EMSY: variants seen among roughly 807,000 people sequenced by gnomAD.
The protein encoded by EMSY is BRCA2-interacting transcriptional repressor EMSY.
EMSY carries 26 observed loss-of-function variants against 134.6 expected under a neutral mutation model. The observed-to-expected ratio is 0.19, with a 90% CI of 0.14 to 0.27. The LOEUF (loss-of-function observed/expected upper bound fraction) is 0.27, where lower values mean the gene tolerates loss of function less well. Ranked by LOEUF, EMSY falls within the 10% of genes least tolerant of loss-of-function variation. EMSY has a pLI of 1.00. For missense variants in EMSY, 1,305 were observed against 1,611.4 expected (o/e 0.81, Z 3.26); for synonymous variants, 579 against 577.8 (o/e 1.00, Z -0.03).
At chr11:76,526,374 C>T (rs1377150889) in intron 12 of EMSY, 88 bp from the exon 14 acceptor site, 1 of 951,942 alleles carries the variant, frequency 1.1e-6, no homozygotes, top group African/African-American at 1.7e-5. Context: ...TTTCATCATC[C>T]TGGTAAAACC....
At chr11:76,551,350 A>G (rs1478144966) in exon 21 of EMSY, 1 of 152,760 alleles carries the variant, frequency 6.5e-6, no homozygotes, top group Admixed American at 6.5e-5. Flanking sequence ...ACGGTTTTAT[A>G]TAGATTTCAC....
rs948457373 is a variant in EMSY, at chr11:76,537,672, C to G, written c.2360-123C>G. On this transcript the variant is annotated intron_variant, in intron 15 of 20. Transcript: ENST00000334736. ...AATCTGCTTTTTTCTTTTCAATTCA[C>G]TGTCTACTTAGTCACTGCCAGTGTG... The G allele has an allele frequency of 5.0e-6, 4 of 796,084 alleles. No individual in the cohort carries two copies. The Admixed American group carries it at 9.2e-5, about 18-fold the overall frequency. 49.3% of individuals were successfully genotyped at this position (796,084 alleles called of 1,614,324 possible).
exon 20 of EMSY, chr11:76,546,025 G>T (rs777344078): frequency 6.2e-7 from 1 of 1,614,072 alleles, no homozygotes; most frequent in Non-Finnish European, 8.5e-7. Context: ...ACATATGATA[G>T]TGGATCCCCC....
intron 2 of EMSY, among the ~76,000 whole-genome samples, chr11:76,447,262 A>C (rs531133991): frequency 6.6e-6 from 1 of 152,204 alleles, no homozygotes; most frequent in Non-Finnish European, 1.5e-5. Context: ...AGTCTTTTTT[A>C]TACAACATCT....
At chr11:76,513,566 TC>T in intron 10 of EMSY, 31 bp downstream of exon 11, 1 of 1,605,204 alleles carries the variant, frequency 6.2e-7, no homozygotes, top group Non-Finnish European at 8.5e-7. Context: ...GTTCATTTAT[TC>T]ATCATACATT....
At chr11:76,466,331 G>C (rs1360392156) in intron 7 of EMSY, among the ~76,000 whole-genome samples, 2 of 152,098 alleles carry the variant, frequency 1.3e-5, no homozygotes, top group Admixed American at 1.3e-4. Flanking sequence ...ACAAATGCAG[G>C]CTGCCTTATT....
chr11:76,544,073 G>A (rs1175044705), intron 18 of EMSY, among the ~76,000 whole-genome samples, 186 bp from the exon 20 acceptor site: 3 of 152,134 alleles, frequency 2.0e-5, no homozygotes, highest in Non-Finnish European at 4.4e-5. Context: ...ACCAGTTTTC[G>A]AAGCACTTAC....
intron 12 of EMSY, among the ~76,000 whole-genome samples, chr11:76,523,842 C>CCTTGGCAACA (rs1441879966): frequency 4.0e-5 from 6 of 149,754 alleles, no homozygotes; most frequent in African/African-American, 1.2e-4. Flanking sequence ...CCCAGGAGTT[C>CCTTGGCAACA]AAGACCAGCC....
intron 17 of EMSY, 109 bp from the exon 19 acceptor site, chr11:76,542,107 T>C (rs1201238324): frequency 1.4e-6 from 2 of 1,405,964 alleles, no homozygotes; most frequent in Non-Finnish European, 2.0e-6. Flanking sequence ...TTCACAATAC[T>C]ACACTTTCTT....
At chr11:76,457,109 G>A (rs553032848) in intron 4 of EMSY, among the ~76,000 whole-genome samples, 1 of 151,994 alleles carries the variant, frequency 6.6e-6, no homozygotes, top group African/African-American at 2.4e-5. Flanking sequence ...AACAATCCTT[G>A]ACATAAGTGC....
At chr11:76,475,607 A>G (rs1948741765) in intron 8 of EMSY, among the ~76,000 whole-genome samples, 1 of 152,260 alleles carries the variant, frequency 6.6e-6, no homozygotes, top group Non-Finnish European at 1.5e-5. Context: ...TAGATACTCA[A>G]GGAAACGATG....
chr11:76,491,677 G>A (rs1949430860), intron 8 of EMSY, among the ~76,000 whole-genome samples: 1 of 152,238 alleles, frequency 6.6e-6, no homozygotes, highest in African/African-American at 2.4e-5. Context: ...GCGCTAGGTA[G>A]CTCACACCGT....
chr11:76,481,387 C>T (rs1397149637), intron 8 of EMSY, among the ~76,000 whole-genome samples: 6 of 152,086 alleles, frequency 3.9e-5, no homozygotes, highest in East Asian at 1.9e-4. Context: ...GGAACACCAG[C>T]GAGACAGAAC....
chr11:76,506,043 T>A (rs1452545957), intron 9 of EMSY, among the ~76,000 whole-genome samples: 3 of 151,994 alleles, frequency 2.0e-5, no homozygotes, highest in Admixed American at 6.6e-5. Context: ...GGCATATGCT[T>A]GTAGTCTCAG....
Position 76,539,590 on chromosome 11 carries a change from T to C in EMSY, c.2516-9T>C. ...AGACTATGATTTCTTCCCTTACTTA[T>C]CCTTTCAGAACGCACTGATGAGGGG... On this transcript the variant is annotated splice_polypyrimidine_tract_variant and intron_variant, in intron 16 of 20. Transcript: ENST00000334736. 1 of 1,613,750 alleles carries C rather than the reference T, an allele frequency of 6.2e-7. No homozygotes were observed. The highest frequency in any genetic ancestry group is 8.5e-7 in the Non-Finnish European group (1 of 1,179,680).
intron 14 of EMSY, among the ~76,000 whole-genome samples, chr11:76,531,763 T>C (rs1045086732): frequency 6.6e-6 from 1 of 152,210 alleles, no homozygotes. Flanking sequence ...AGTTCATTAT[T>C]CTTTGCACAT....
At chr11:76,552,470 T>G (rs1951858657), downstream of EMSY, 1 of 152,238 alleles carries the variant, frequency 6.6e-6, no homozygotes, top group Non-Finnish European at 1.5e-5. Flanking sequence ...TAATTTAAAG[T>G]CATCTCTTTG....
intron 16 of EMSY, among the ~76,000 whole-genome samples, chr11:76,539,179 A>G (rs2136620583): frequency 6.6e-6 from 1 of 152,282 alleles, no homozygotes; most frequent in Non-Finnish European, 1.5e-5. Flanking sequence ...ACACTTTATT[A>G]CTTTGAAATT....
chr11:76,548,594 A>G (rs987909794), intron 20 of EMSY, among the ~76,000 whole-genome samples: 4 of 152,240 alleles, frequency 2.6e-5, no homozygotes, highest in African/African-American at 7.2e-5. Flanking sequence ...GGCTCAAAGA[A>G]GTAGAGTGAC....
Sources: gnomAD v4.1 joint callset for allele counts (sites outside exome capture counted in the v4.1 genomes callset) on GRCh38, gnomAD v4.1.1 for gene constraint, MANE v1.5 for transcripts, NCBI Gene and HGNC (gene_info 2026-07-23, HGNC 2026-07-21) for gene names.